CTNNA3: variants seen among roughly 807,000 people sequenced by gnomAD.
CTNNA3 encodes the protein catenin alpha-3.
Under a neutral mutation model 95.7 loss-of-function variants are expected in CTNNA3, and 76 were observed. The ratio of observed to expected loss-of-function variants is 0.79; its 90% CI spans 0.66 to 0.96. The LOEUF is 0.96. CTNNA3 is among the 40% of genes least tolerant of loss of function. The probability of loss-of-function intolerance (pLI) is 0.00; values close to 1 mark genes in which losing one functional copy is unlikely to be tolerated. For synonymous variants in CTNNA3, 431 were observed against 374.4 expected (o/e 1.15, Z -1.74); for missense variants, 1,191 against 1,089.8 (o/e 1.09, Z -1.31).
intron 2 of CTNNA3, among the ~76,000 whole-genome samples, chr10:67,636,474 G>A (rs1412792953): frequency 3.3e-5 from 5 of 151,980 alleles, no homozygotes; most frequent in East Asian, 1.9e-4. Context: ...AAACAGACAC[G>A]TAGACCAATG....
chr10:66,975,790 G>GT (rs1276425743), intron 7 of CTNNA3, among the ~76,000 whole-genome samples: 2 of 152,032 alleles, frequency 1.3e-5, no homozygotes, highest in Non-Finnish European at 2.9e-5. Context: ...CTTTCTGTCT[G>GT]TTTTTCTAAG....
At chr10:67,407,012 C>T (rs141174355) in intron 5 of CTNNA3, among the ~76,000 whole-genome samples, 1 of 152,282 alleles carries the variant, frequency 6.6e-6, no homozygotes, top group African/African-American at 2.4e-5. Flanking sequence ...GGTACCATTC[C>T]TATTGAAACT....
intron 7 of CTNNA3, among the ~76,000 whole-genome samples, chr10:66,833,827 T>C (rs1253598211): frequency 6.6e-6 from 1 of 152,178 alleles, no homozygotes; most frequent in Non-Finnish European, 1.5e-5. Context: ...GATGGACTAA[T>C]AGGATTTCAC....
At chr10:67,020,760 C>T (rs1436452977) in intron 7 of CTNNA3, among the ~76,000 whole-genome samples, 1 of 152,100 alleles carries the variant, frequency 6.6e-6, no homozygotes, top group African/African-American at 2.4e-5. Context: ...TAGATTAATT[C>T]TAATGGAATG....
intron 10 of CTNNA3, among the ~76,000 whole-genome samples, chr10:66,579,782 T>C (rs1312681816): frequency 1.3e-5 from 2 of 151,842 alleles, no homozygotes; most frequent in Admixed American, 1.3e-4. Flanking sequence ...AATTTTTTCT[T>C]TCAGCACTTC....
At chr10:66,394,658 T>C (rs2132539915) in intron 11 of CTNNA3, among the ~76,000 whole-genome samples, 1 of 151,932 alleles carries the variant, frequency 6.6e-6, no homozygotes, top group South Asian at 2.1e-4. Context: ...TCCCATATTA[T>C]GCAATAAAAC....
intron 7 of CTNNA3, among the ~76,000 whole-genome samples, chr10:66,953,865 T>C (rs1174872638): frequency 6.6e-6 from 1 of 152,176 alleles, no homozygotes; most frequent in Admixed American, 6.6e-5. Context: ...AGAAGAGCTA[T>C]GTGACCTTGG....
chr10:67,228,266 G>C (rs1250849770), intron 5 of CTNNA3, among the ~76,000 whole-genome samples: 2 of 152,090 alleles, frequency 1.3e-5, no homozygotes, highest in Non-Finnish European at 2.9e-5. Flanking sequence ...AAATAAAATT[G>C]GTTAGCAAGA....
At chr10:67,067,460 T>A (rs958972584) in intron 7 of CTNNA3, among the ~76,000 whole-genome samples, 1 of 152,240 alleles carries the variant, frequency 6.6e-6, no homozygotes, top group Non-Finnish European at 1.5e-5. Flanking sequence ...ATTTCCACAA[T>A]TCATTTCAGG....
intron 7 of CTNNA3, among the ~76,000 whole-genome samples, chr10:66,917,648 C>A (rs560223848): frequency 2.6e-5 from 4 of 152,182 alleles, no homozygotes; most frequent in Non-Finnish European, 5.9e-5. Flanking sequence ...TTATCTTTCT[C>A]CTCCTGGTGA....
chr10:66,006,534 G>A (rs1296007279), intron 15 of CTNNA3, among the ~76,000 whole-genome samples: 1 of 152,020 alleles, frequency 6.6e-6, no homozygotes, highest in Non-Finnish European at 1.5e-5. Context: ...ATTAATCAAA[G>A]CCAATGTACT....
In CTNNA3 at chr10:66,970,021, A is replaced by C. The variant is rs538900287; in HGVS notation, c.1048-194497T>G. ...ACAAAGTACTATAAGGCTAGAATTGACTTGGAGTCAAGGCGAGTTCCATAG... is the reference window on the plus strand; with the variant it reads ...ACAAAGTACTATAAGGCTAGAATTGCCTTGGAGTCAAGGCGAGTTCCATAG... On this transcript the variant is annotated intron_variant, in intron 7 of 17. Transcript: ENST00000433211. Among the ~76,000 whole-genome samples, 3 of 152,242 alleles carry C rather than the reference A, an allele frequency of 2.0e-5. No homozygotes were observed. In the East Asian group the frequency reaches 5.8e-4, roughly 29 times the overall value.
At chr10:66,123,240 T>C (rs1266437839) in intron 13 of CTNNA3, among the ~76,000 whole-genome samples, 1 of 151,966 alleles carries the variant, frequency 6.6e-6, no homozygotes, top group Non-Finnish European at 1.5e-5. Flanking sequence ...ATGGGAGAAA[T>C]TGGCCAAAAC....
intron 10 of CTNNA3, among the ~76,000 whole-genome samples, chr10:66,526,306 C>G (rs1841257742): frequency 6.6e-6 from 1 of 152,154 alleles, no homozygotes; most frequent in South Asian, 2.1e-4. Context: ...CCACCTCAGC[C>G]TCCCAAGTAG....
At chr10:66,540,606 C>T (rs968753122) in intron 10 of CTNNA3, among the ~76,000 whole-genome samples, 2 of 152,028 alleles carry the variant, frequency 1.3e-5, no homozygotes, top group African/African-American at 4.8e-5. Flanking sequence ...AAAGCAGTAT[C>T]TTTAGGTCCC....
chr10:67,030,358 A>C (rs1853638068), intron 7 of CTNNA3, among the ~76,000 whole-genome samples: 1 of 152,156 alleles, frequency 6.6e-6, no homozygotes, highest in Non-Finnish European at 1.5e-5. Flanking sequence ...CACTTTTAAA[A>C]ACCCTCTTAA....
chr10:66,596,098 T>A (rs1178861456), intron 10 of CTNNA3, among the ~76,000 whole-genome samples: 1 of 152,030 alleles, frequency 6.6e-6, no homozygotes, highest in Non-Finnish European at 1.5e-5. Context: ...TTCTGTCTCA[T>A]CCCACCCAGA....
chr10:66,173,984 CG>C (rs1252378841), intron 13 of CTNNA3, among the ~76,000 whole-genome samples: 2 of 152,062 alleles, frequency 1.3e-5, no homozygotes, highest in Non-Finnish European at 2.9e-5. Flanking sequence ...CTTCAAAATC[CG>C]TGTCCCTAGT....
At chr10:67,258,154 G>A (rs911845003) in intron 5 of CTNNA3, among the ~76,000 whole-genome samples, 1 of 151,994 alleles carries the variant, frequency 6.6e-6, no homozygotes, top group African/African-American at 2.4e-5. Flanking sequence ...TTGTTTGTTT[G>A]TTTGTTTGAG....
Sources: allele counts gnomAD v4.1 joint callset (sites outside exome capture counted in the v4.1 genomes callset), GRCh38; gene constraint gnomAD v4.1.1; transcripts MANE v1.5; gene names NCBI Gene and HGNC (gene_info 2026-07-23, HGNC 2026-07-21).